The following CDK14 variants were observed in gnomAD, a reference collection of about 807,000 sequenced individuals.
CDK14 encodes cyclin dependent kinase 14, also known as cyclin-dependent kinase 14.
A neutral mutation model predicts 60.7 loss-of-function variants in CDK14; 34 were observed. The ratio of observed to expected loss-of-function variants is 0.56; its 90% CI spans 0.43 to 0.75. The LOEUF is 0.75. Ranked by LOEUF, CDK14 falls within the 30% of genes least tolerant of loss-of-function variation. CDK14 has a pLI of 0.00. For synonymous variants in CDK14, 197 were observed against 203.7 expected (o/e 0.97, Z 0.28); for missense variants, 482 against 564.1 (o/e 0.85, Z 1.47).
chr7:90,814,575 A>ATC (rs1299759304), intron 5 of CDK14, among the ~76,000 whole-genome samples: 2 of 152,042 alleles, frequency 1.3e-5, no homozygotes, highest in East Asian at 3.9e-4. Context: ...TGAGGTCAGG[A>ATC]GTTCGAGACC....
At chr7:90,945,263 G>C (rs186977109) in intron 8 of CDK14, among the ~76,000 whole-genome samples, 4 of 152,324 alleles carry the variant, frequency 2.6e-5, no homozygotes, top group Admixed American at 1.3e-4. Context: ...TAGGCCAACT[G>C]TATGATTAAG....
At chr7:90,841,590 ACTTAC>A (rs1214299919) in intron 5 of CDK14, among the ~76,000 whole-genome samples, 4 of 151,452 alleles carry the variant, frequency 2.6e-5, no homozygotes, top group Non-Finnish European at 5.9e-5. Flanking sequence ...ACGAAGCAGC[ACTTAC>A]CTACAGCAGC....
chr7:90,744,433 A>T (rs1300915908), intron 3 of CDK14, among the ~76,000 whole-genome samples: 1 of 152,218 alleles, frequency 6.6e-6, no homozygotes, highest in Non-Finnish European at 1.5e-5. Flanking sequence ...CACGGCAACC[A>T]TCTGATTTCT....
At chr7:91,068,232 A>G (rs1180745979) in intron 11 of CDK14, among the ~76,000 whole-genome samples, 1 of 152,204 alleles carries the variant, frequency 6.6e-6, no homozygotes. Context: ...TTCCTTTGAA[A>G]CAAATAAATA....
rs530345648 is a variant in CDK14 at position 90,789,888 on chromosome 7, T to C, written c.465-685T>C. 3.3e-5 allele frequency among the ~76,000 whole-genome samples: 5 copies of C among 152,262 alleles called. No individual in the cohort carries two copies. The South Asian group carries it at 1.0e-3, about 32-fold the overall frequency. ...ATGACTGGATAAAAAGTTAACTCCA[T>C]AGCACAATCTTACTTTTAATTGGCG... On this transcript the variant is annotated intron_variant, in intron 4 of 14. Transcript: ENST00000380050.
At chr7:91,060,581 T>G (rs557108129) in intron 11 of CDK14, among the ~76,000 whole-genome samples, 1 of 152,304 alleles carries the variant, frequency 6.6e-6, no homozygotes, top group South Asian at 2.1e-4. Flanking sequence ...AGGAGCTCTT[T>G]TAGGGCAGGC....
rs116960521 is a variant in CDK14 at position 91,151,197 on chromosome 7, T to C, written c.*28+32989T>C. On this transcript the variant is annotated intron_variant, in intron 14 of 14. Transcript: ENST00000380050. ...CTTCTCATTCCCACACCCCAGTCTTTAGGCTGTCTCATAATTTGGGACTGA... is the reference window on the plus strand; with the variant it reads ...CTTCTCATTCCCACACCCCAGTCTTCAGGCTGTCTCATAATTTGGGACTGA... 1.8e-3 allele frequency among the ~76,000 whole-genome samples: 268 copies of C among 152,322 alleles called. 2 individuals are homozygous for C. The highest frequency in any genetic ancestry group is 5.2e-3 in the African/African-American group (215 of 41,580).
chr7:91,107,179 A>G (rs1799327843), intron 12 of CDK14, among the ~76,000 whole-genome samples: 1 of 152,208 alleles, frequency 6.6e-6, no homozygotes, highest in Non-Finnish European at 1.5e-5. Flanking sequence ...TGAAGATTTC[A>G]AGTGTAGTAT....
At chr7:90,674,308 A>G (rs1306950288) in intron 2 of CDK14, among the ~76,000 whole-genome samples, 3 of 152,202 alleles carry the variant, frequency 2.0e-5, no homozygotes, top group African/African-American at 7.2e-5. Flanking sequence ...TTGAACCTCT[A>G]GCTGGTGGAG....
intron 3 of CDK14, among the ~76,000 whole-genome samples, chr7:90,740,066 A>G (rs1017218878): frequency 2.0e-5 from 3 of 152,050 alleles, no homozygotes; most frequent in Non-Finnish European, 4.4e-5. Flanking sequence ...GTCCTAAGTG[A>G]ATGTAATGCC....
At chr7:90,723,277 A>AGTTT (rs1218284477) in intron 2 of CDK14, among the ~76,000 whole-genome samples, 2 of 152,226 alleles carry the variant, frequency 1.3e-5, no homozygotes, top group East Asian at 3.8e-4. Context: ...TCTTAAAACA[A>AGTTT]CATACATTTT....
intron 2 of CDK14, among the ~76,000 whole-genome samples, chr7:90,682,626 A>G (rs1168825383): frequency 1.3e-5 from 2 of 152,178 alleles, no homozygotes; most frequent in Non-Finnish European, 2.9e-5. Context: ...ATTATCTTTT[A>G]TATGGTTTGT....
chr7:90,628,467 A>G (rs1421244686), intron 2 of CDK14, among the ~76,000 whole-genome samples: 1 of 152,130 alleles, frequency 6.6e-6, no homozygotes, highest in Non-Finnish European at 1.5e-5. Context: ...CATATGATCT[A>G]TTCTGCCACA....
intron 9 of CDK14, among the ~76,000 whole-genome samples, chr7:90,961,383 C>T (rs1794600481): frequency 6.6e-6 from 1 of 151,910 alleles, no homozygotes; most frequent in Non-Finnish European, 1.5e-5. Context: ...CCAAGGAATC[C>T]CTGGATTGAA....
intron 10 of CDK14, among the ~76,000 whole-genome samples, chr7:91,016,992 G>A (rs182658129): frequency 5.9e-5 from 9 of 152,298 alleles, no homozygotes; most frequent in Admixed American, 2.6e-4. Context: ...TAAGGAAGAA[G>A]GCAGGCAAAA....
intron 2 of CDK14, among the ~76,000 whole-genome samples, chr7:90,680,226 T>C (rs1465904826): frequency 1.3e-5 from 2 of 152,186 alleles, no homozygotes; most frequent in Non-Finnish European, 2.9e-5. Flanking sequence ...GCTCAGCTAA[T>C]GATATTAGAA....
intron 9 of CDK14, 138 bp downstream of exon 9, chr7:90,955,955 GTTTTAA>G: frequency 1.0e-6 from 1 of 1,000,288 alleles, no homozygotes; most frequent in Admixed American, 2.3e-5. Flanking sequence ...GCTGCTGGAT[GTTTTAA>G]AACATGATTG....
At chr7:90,670,475 A>C (rs1801073764) in intron 2 of CDK14, among the ~76,000 whole-genome samples, 1 of 152,204 alleles carries the variant, frequency 6.6e-6, no homozygotes, top group Non-Finnish European at 1.5e-5. Context: ...AAAGGAATAC[A>C]TGAGACTGAG....
At chr7:90,640,739 T>G (rs202130409) in intron 2 of CDK14, among the ~76,000 whole-genome samples, 1 of 152,142 alleles carries the variant, frequency 6.6e-6, no homozygotes, top group Non-Finnish European at 1.5e-5. Context: ...TGTGGCTGTT[T>G]GGCACAACTC....
Sources: gnomAD v4.1 joint callset for allele counts (sites outside exome capture counted in the v4.1 genomes callset) on GRCh38, gnomAD v4.1.1 for gene constraint, MANE v1.5 for transcripts, NCBI Gene and HGNC (gene_info 2026-07-23, HGNC 2026-07-21) for gene names.